GPBP1: variants seen among roughly 807,000 people sequenced by gnomAD.
The protein encoded by GPBP1 is GC-rich promoter binding protein 1, also known as vasculin.
In GPBP1, 13 loss-of-function variants were observed where a neutral mutation model predicts 56.5. The ratio of observed to expected loss-of-function variants is 0.23; its 90% confidence interval spans 0.15 to 0.37. The LOEUF (loss-of-function observed/expected upper bound fraction) is 0.37. GPBP1 is among the 10% of genes least tolerant of loss of function. The pLI is 1.00. For synonymous variants in GPBP1, 204 were observed against 188.9 expected (o/e 1.08, Z -0.66); for missense variants, 477 against 572.3 (o/e 0.83, Z 1.70).
At chr5:57,228,411 C>T (rs1481241195) in intron 3 of GPBP1, among the ~76,000 whole-genome samples, 2 of 151,518 alleles carry the variant, frequency 1.3e-5, no homozygotes, top group Non-Finnish European at 2.9e-5. Flanking sequence ...GCTGAGATTG[C>T]ACCATTGCAC....
chr5:57,226,803 G>A (rs1307895907), intron 3 of GPBP1, among the ~76,000 whole-genome samples: 10 of 136,082 alleles, frequency 7.3e-5, no homozygotes, highest in Admixed American at 5.6e-4. Flanking sequence ...GCAGTGGTGC[G>A]ATCTCTGCTC....
intron 2 of GPBP1, among the ~76,000 whole-genome samples, chr5:57,209,961 G>A (rs1755402604): frequency 6.6e-6 from 1 of 152,048 alleles, no homozygotes. Context: ...TTGATTTTGG[G>A]TGTTTTTGAT....
At chr5:57,228,387 G>A (rs1055783009) in intron 3 of GPBP1, among the ~76,000 whole-genome samples, 2 of 151,966 alleles carry the variant, frequency 1.3e-5, no homozygotes, top group South Asian at 2.1e-4. Context: ...CCTGGGAGAC[G>A]GAGGTTGCAG....
At chr5:57,223,446 G>C in intron 3 of GPBP1, among the ~76,000 whole-genome samples, 1 of 152,024 alleles carries the variant, frequency 6.6e-6, no homozygotes, top group Non-Finnish European at 1.5e-5. Flanking sequence ...TCCAATTCTT[G>C]GTGCTATCAG....
At chr5:57,203,719 A>G (rs150635066) in intron 2 of GPBP1, among the ~76,000 whole-genome samples, 1 of 152,298 alleles carries the variant, frequency 6.6e-6, no homozygotes, top group East Asian at 1.9e-4. Context: ...AGTCTAACAA[A>G]TTTCAGATAA....
At chr5:57,230,679 G>A in intron 3 of GPBP1, 167 bp from the exon 4 acceptor site, 1 of 650,120 alleles carries the variant, frequency 1.5e-6, no homozygotes, top group Non-Finnish European at 2.7e-6. Context: ...TGGACCATCG[G>A]TGAATCCATT....
At chr5:57,230,778 G>A in intron 3 of GPBP1, 68 bp from the exon 4 acceptor site, 2 of 1,337,700 alleles carry the variant, frequency 1.5e-6, no homozygotes, top group South Asian at 2.6e-5. Flanking sequence ...AGTGAAGTTG[G>A]AGTATTACTA....
chr5:57,202,392 G>T lies in GPBP1; in HGVS notation c.-57-11682G>T, dbSNP rs573518490. ...CAAGCTTCACCTCCCAGGTTGAAGT[G>T]ATTCACCTGCCTCAGCGTCCTGAGT... On this transcript the variant is annotated intron_variant, in intron 2 of 11. Transcript: ENST00000506184. 4.5e-4 allele frequency among the ~76,000 whole-genome samples: 68 copies of T among 152,198 alleles called. 1 individual carries two copies. Among genetic ancestry groups the T allele is most frequent in the African/African-American group, 1.3e-3 (53 of 41,546 alleles).
chr5:57,183,928 G>A (rs1198582188), intron 2 of GPBP1, among the ~76,000 whole-genome samples: 1 of 151,944 alleles, frequency 6.6e-6, no homozygotes, highest in Non-Finnish European at 1.5e-5. Flanking sequence ...GGTGAGTGCT[G>A]CCATGTCCAG....
At chr5:57,243,621 A>G (rs1299148041) in intron 6 of GPBP1, among the ~76,000 whole-genome samples, 3 of 151,192 alleles carry the variant, frequency 2.0e-5, no homozygotes, top group Non-Finnish European at 4.4e-5. Context: ...TGAAATTTGT[A>G]CTCAGAAACT....
At chr5:57,190,216 T>A (rs1754460087) in intron 2 of GPBP1, among the ~76,000 whole-genome samples, 1 of 151,364 alleles carries the variant, frequency 6.6e-6, no homozygotes, top group Admixed American at 6.8e-5. Flanking sequence ...ATAGAGCTAT[T>A]TTTAACTGCT....
chr5:57,216,239 G>T (rs1755693157), intron 3 of GPBP1, among the ~76,000 whole-genome samples: 1 of 152,124 alleles, frequency 6.6e-6, no homozygotes, highest in Admixed American at 6.6e-5. Flanking sequence ...AGAAATGTTG[G>T]CAGTCTGCCT....
intron 2 of GPBP1, among the ~76,000 whole-genome samples, chr5:57,178,266 C>T (rs760594747): frequency 7.2e-5 from 11 of 152,030 alleles, no homozygotes; most frequent in Non-Finnish European, 1.2e-4. Context: ...TTTTTTGAGA[C>T]GGACTCTTGC....
intron 2 of GPBP1, among the ~76,000 whole-genome samples, chr5:57,184,803 C>A (rs1469766372): frequency 6.6e-6 from 1 of 152,124 alleles, no homozygotes; most frequent in African/African-American, 2.4e-5. Context: ...CTGTAAAGTC[C>A]CAGTCTGTTT....
chr5:57,210,022 A>G (rs981059291), intron 2 of GPBP1, among the ~76,000 whole-genome samples: 1 of 152,228 alleles, frequency 6.6e-6, no homozygotes, highest in Non-Finnish European at 1.5e-5. Flanking sequence ...ATCATTATAA[A>G]GACAGTAAGT....
chr5:57,225,880 T>C (rs1756164826), intron 3 of GPBP1, among the ~76,000 whole-genome samples: 1 of 152,204 alleles, frequency 6.6e-6, no homozygotes, highest in African/African-American at 2.4e-5. Flanking sequence ...AGCTCCTAAA[T>C]CTGCATTTGA....
intron 2 of GPBP1, among the ~76,000 whole-genome samples, chr5:57,208,161 A>G (rs1755316774): frequency 6.6e-6 from 1 of 152,074 alleles, no homozygotes; most frequent in Non-Finnish European, 1.5e-5. Flanking sequence ...ACACTTCTGT[A>G]TCAGTAGGGT....
In GPBP1 at chr5:57,221,458, A is replaced by T. The variant is rs1039934361; in HGVS notation, c.63+7265A>T. On this transcript the variant is annotated intron_variant, in intron 3 of 11. Coordinates refer to ENST00000506184, the MANE Select transcript of GPBP1 (RefSeq NM_022913.4). The stretch of plus-strand genomic sequence containing the variant: ...AAAATTTAGATAACTAGCAAATTCC[A>T]TTTGTTATGCTAGGAAGGATGACAA... The T allele has an allele frequency of 1.0e-5, 10 of 991,716 alleles. No individual in the cohort carries two copies. In the East Asian group the frequency reaches 2.6e-4, roughly 26 times the overall value. The allele number at this position is 991,716 out of a possible 1,614,324, so 61.4% of individuals were successfully genotyped here. A position where few individuals can be genotyped will look rare whatever the true frequency, so the allele number is the denominator to read the frequency against.
chr5:57,187,386 A>T (rs1276877404), intron 2 of GPBP1, among the ~76,000 whole-genome samples: 1 of 152,214 alleles, frequency 6.6e-6, no homozygotes, highest in Non-Finnish European at 1.5e-5. Flanking sequence ...TTATCTCAAC[A>T]GTGGATTTGG....
Sources: gnomAD v4.1 joint callset for allele counts (sites outside exome capture counted in the v4.1 genomes callset) on GRCh38, gnomAD v4.1.1 for gene constraint, MANE v1.5 for transcripts, NCBI Gene and HGNC (gene_info 2026-07-23, HGNC 2026-07-21) for gene names.